The following NCAM2 variants were observed in gnomAD, a reference collection of about 807,000 sequenced individuals.
NCAM2 encodes the protein neural cell adhesion molecule 2.
A neutral mutation model predicts 98.1 loss-of-function variants in NCAM2; 30 were observed. The ratio of observed to expected loss-of-function variants is 0.31; its 90% CI spans 0.23 to 0.41. The LOEUF (loss-of-function observed/expected upper bound fraction) is 0.41. NCAM2 is among the 10% of genes least tolerant of loss of function. The pLI is 1.00. For synonymous variants in NCAM2, 368 were observed against 342.4 expected, an observed-to-expected ratio of 1.07 and a Z score of -0.83; for missense variants, 867 against 1,005.8, an observed-to-expected ratio of 0.86 and a Z score of 1.87.
chr21:21,518,940 A>G (rs1230218084), intron 16 of NCAM2, among the ~76,000 whole-genome samples: 1 of 152,158 alleles, frequency 6.6e-6, no homozygotes, highest in African/African-American at 2.4e-5. Context: ...ATACTGTGTC[A>G]TAAATACCTC....
chr21:21,055,424 A>G (rs1441851433), intron 1 of NCAM2, among the ~76,000 whole-genome samples: 1 of 152,092 alleles, frequency 6.6e-6, no homozygotes, highest in Non-Finnish European at 1.5e-5. Flanking sequence ...AGAAAACTAC[A>G]TTGACTATTC....
chr21:21,527,149 TTGCCCAGGCTAGAG>T (rs1372796726), intron 16 of NCAM2, among the ~76,000 whole-genome samples: 3 of 151,844 alleles, frequency 2.0e-5, no homozygotes, highest in Non-Finnish European at 2.9e-5. Context: ...TCTCGCTCTG[TTGCCCAGGCTAGAG>T]TGCAGTGGCC....
chr21:21,358,011 G>A (rs180888437), intron 8 of NCAM2, among the ~76,000 whole-genome samples: 160 of 152,146 alleles, frequency 1.1e-3, no homozygotes, highest in African/African-American at 3.6e-3. Context: ...TTACGAAAAC[G>A]CATAGAATTT....
intron 15 of NCAM2, among the ~76,000 whole-genome samples, chr21:21,504,558 TTGTGAAACG>T (rs886873938): frequency 6.6e-6 from 1 of 151,870 alleles, no homozygotes; most frequent in African/African-American, 2.4e-5. Flanking sequence ...ATGGTTTTAT[TTGTGAAACG>T]TCCAGAGTAC....
rs2072980863 is a variant in NCAM2, at chr21:21,282,958, T to G, written c.131-1236T>G. Among the ~76,000 whole-genome samples the G allele has an allele frequency of 2.0e-5, 3 of 151,838 alleles. No individual in the cohort carries two copies. The South Asian group carries it at 6.2e-4, about 31-fold the overall frequency. ...TATTTATCAGAATATCCTATTTAAC[T>G]TACTATATAAAATATTATTTTGTAT... On this transcript the variant is annotated intron_variant, in intron 2 of 17. Transcript: ENST00000400546.
chr21:21,510,169 A>G (rs1569129219), intron 16 of NCAM2, among the ~76,000 whole-genome samples: 1 of 152,172 alleles, frequency 6.6e-6, no homozygotes, highest in East Asian at 1.9e-4. Context: ...ATCATTACAT[A>G]CAGTCTAAAA....
At chr21:21,297,105 A>C in intron 5 of NCAM2, among the ~76,000 whole-genome samples, 1 of 151,816 alleles carries the variant, frequency 6.6e-6, no homozygotes, top group East Asian at 1.9e-4. Flanking sequence ...AGTTGAGTTA[A>C]TGACTATAGG....
At chr21:21,132,972 C>G (rs1437619764) in intron 1 of NCAM2, among the ~76,000 whole-genome samples, 1 of 152,072 alleles carries the variant, frequency 6.6e-6, no homozygotes, top group Admixed American at 6.6e-5. Context: ...TACATAGATC[C>G]TTAAACAATA....
rs80261441 is a variant in NCAM2, at chr21:21,211,113, C to T, written c.56-69465C>T. Among the ~76,000 whole-genome samples, 396 of 151,890 alleles carry T rather than the reference C, an allele frequency of 2.6e-3. 3 individuals are homozygous for T. Among genetic ancestry groups the T allele is most frequent in the African/African-American group, 9.2e-3 (379 of 41,398 alleles). ...AATCTTAAACTCTGTACTAAATAAA[C>T]GTGCAGATTAAATACTGTTTTTAAA... On this transcript the variant is annotated intron_variant, in intron 1 of 17. Coordinates refer to ENST00000400546, the MANE Select transcript of NCAM2 (RefSeq NM_004540.5).
At chr21:21,242,353 A>G (rs2071095740) in intron 1 of NCAM2, among the ~76,000 whole-genome samples, 1 of 152,224 alleles carries the variant, frequency 6.6e-6, no homozygotes, top group African/African-American at 2.4e-5. Context: ...AACATTTAAA[A>G]TCTACTTTTT....
At chr21:21,184,638 G>T (rs997054102) in intron 1 of NCAM2, among the ~76,000 whole-genome samples, 2 of 152,062 alleles carry the variant, frequency 1.3e-5, no homozygotes, top group African/African-American at 2.4e-5. Context: ...TTAAAATCAG[G>T]ATGGTTATTT....
At chr21:21,207,074 A>G (rs996581051) in intron 1 of NCAM2, among the ~76,000 whole-genome samples, 5 of 152,194 alleles carry the variant, frequency 3.3e-5, no homozygotes, top group African/African-American at 4.8e-5. Context: ...AAATTAAACT[A>G]TAGACATTGT....
intron 8 of NCAM2, among the ~76,000 whole-genome samples, chr21:21,346,243 T>C (rs1040327197): frequency 6.8e-6 from 1 of 147,316 alleles, no homozygotes. Context: ...ACTATACTTA[T>C]GTCAAACAAA....
intron 1 of NCAM2, among the ~76,000 whole-genome samples, chr21:21,045,092 G>A (rs1287037955): frequency 3.3e-5 from 5 of 152,098 alleles, no homozygotes; most frequent in African/African-American, 7.2e-5. Context: ...CCAGTTTGAT[G>A]TATTTTATAG....
chr21:21,537,865 G>A lies in NCAM2; in HGVS notation c.2422G>A (p.Glu808Lys), dbSNP rs749135738. The A allele has an allele frequency of 3.7e-5, 57 of 1,556,290 alleles. No homozygotes were observed. The highest frequency in any genetic ancestry group is 5.8e-5 in the Admixed American group (3 of 51,750). ...TEPEKLPLKE[E>K]DGKEALNPET... is the part of the protein sequence containing the mutation. ...TTCCAGAAAATTGCCTTTAAAGGAA[G>A]AAGATGGGAAAGAAGCTCTAAATCC... is the stretch of plus-strand genomic sequence containing the variant. Residue 808 changes from glutamate (E) to lysine (K), a missense_variant, in exon 18 of 18, where the codon GAA (glutamate) becomes AAA (lysine). Glu to Lys is a moderately conservative substitution (Grantham distance 56). Coordinates refer to ENST00000400546, the MANE Select transcript of NCAM2 (RefSeq NM_004540.5).
chr21:21,414,605 G>A (rs1013544826), intron 10 of NCAM2, among the ~76,000 whole-genome samples: 2 of 151,928 alleles, frequency 1.3e-5, no homozygotes, highest in Admixed American at 6.6e-5. Flanking sequence ...GAGTAGCTGG[G>A]ATTACAGGTG....
intron 1 of NCAM2, among the ~76,000 whole-genome samples, chr21:21,278,825 C>G (rs1258818046): frequency 6.6e-6 from 1 of 152,082 alleles, no homozygotes; most frequent in African/African-American, 2.4e-5. Context: ...TATTTTGTTG[C>G]TTCCTCCTGT....
chr21:21,201,642 A>G (rs535910943), intron 1 of NCAM2, among the ~76,000 whole-genome samples: 1 of 152,334 alleles, frequency 6.6e-6, no homozygotes, highest in East Asian at 1.9e-4. Flanking sequence ...AATGTAGTTC[A>G]ACCCCAGTTT....
chr21:21,327,306 C>CAAAA lies in NCAM2; in HGVS notation c.737+2827_737+2830dup, dbSNP rs11384559. Among the ~76,000 whole-genome samples, 739 of 82,124 alleles carry CAAAA rather than the reference C, an allele frequency of 9.0e-3. 22 individuals carry two copies. The highest frequency in any genetic ancestry group is 0.037 in the African/African-American group (697 of 18,866). 53.9% of individuals were successfully genotyped at this position (82,124 alleles called of 152,430 possible). A position where few individuals can be genotyped will look rare whatever the true frequency, so the allele number is the denominator to read the frequency against. On this transcript the variant is annotated intron_variant, in intron 6 of 17. Transcript: ENST00000400546. ...CAGGCAACAGAGCAAGACTCTGTCT[C>CAAAA]AAAAAAAAAAAAAAAAAAAAAAAAT...
Sources: allele counts gnomAD v4.1 joint callset (sites outside exome capture counted in the v4.1 genomes callset), GRCh38; gene constraint gnomAD v4.1.1; transcripts MANE v1.5; gene names NCBI Gene and HGNC (gene_info 2026-07-23, HGNC 2026-07-21).